FRMD5: variants seen among roughly 807,000 people sequenced by gnomAD.
FRMD5 encodes the protein FERM domain-containing protein 5.
A neutral mutation model predicts 69.0 loss-of-function variants in FRMD5; 20 were observed. That is an observed-to-expected ratio of 0.29 (90% CI 0.20 to 0.42). The LOEUF is 0.42. FRMD5 is among the 10% of genes least tolerant of loss of function. FRMD5 has a pLI of 1.00. For missense variants in FRMD5, 595 were observed against 708.6 expected, an observed-to-expected ratio of 0.84 and a Z score of 1.82; for synonymous variants, 271 against 260.1, an observed-to-expected ratio of 1.04 and a Z score of -0.40.
chr15:43,902,689 CAAA>C (rs5812254), intron 6 of FRMD5, among the ~76,000 whole-genome samples: 12 of 112,740 alleles, frequency 1.1e-4, no homozygotes, highest in East Asian at 2.8e-4. Context: ...GACCCTGTCT[CAAA>C]AAAAAAAAAA....
chr15:44,168,585 TA>T (rs760685533), intron 1 of FRMD5, among the ~76,000 whole-genome samples: 2 of 152,226 alleles, frequency 1.3e-5, no homozygotes, highest in Non-Finnish European at 2.9e-5. Flanking sequence ...AACTTTTCTT[TA>T]ACAACTCTAC....
intron 1 of FRMD5, among the ~76,000 whole-genome samples, chr15:44,164,099 C>CT (rs1272337612): frequency 6.6e-6 from 1 of 152,184 alleles, no homozygotes; most frequent in Non-Finnish European, 1.5e-5. Flanking sequence ...CTCATCTGTT[C>CT]TTTCCTGTTT....
At chr15:44,034,364 T>A (rs905863550) in intron 1 of FRMD5, among the ~76,000 whole-genome samples, 1 of 152,218 alleles carries the variant, frequency 6.6e-6, no homozygotes, top group African/African-American at 2.4e-5. Flanking sequence ...TTTGACTACC[T>A]ACTTATATGG....
At chr15:44,197,638 G>A (rs1213448227), upstream of FRMD5, among the ~76,000 whole-genome samples, 2 of 141,420 alleles carry the variant, frequency 1.4e-5, no homozygotes, top group African/African-American at 5.5e-5. Flanking sequence ...GCTGAGATTG[G>A]CCACTGCACT....
intron 1 of FRMD5, among the ~76,000 whole-genome samples, chr15:44,013,364 A>C (rs1890811810): frequency 6.6e-6 from 1 of 152,172 alleles, no homozygotes; most frequent in Admixed American, 6.6e-5. Flanking sequence ...ATATATTTCC[A>C]AAGTTCTTCA....
chr15:44,162,867 C>CAAA (rs371915126), intron 1 of FRMD5, among the ~76,000 whole-genome samples: 18 of 37,176 alleles, frequency 4.8e-4, no homozygotes, highest in African/African-American at 8.1e-4. Flanking sequence ...AACTCCGTCT[C>CAAA]AAAAAAAAAA....
At chr15:44,075,827 A>G (rs1269999907) in intron 1 of FRMD5, among the ~76,000 whole-genome samples, 1 of 152,222 alleles carries the variant, frequency 6.6e-6, no homozygotes, top group Non-Finnish European at 1.5e-5. Flanking sequence ...GAAAACACTC[A>G]GATAAATGAA....
intron 1 of FRMD5, chr15:44,194,203 G>A (rs2078243796): frequency 6.6e-6 from 1 of 152,258 alleles, no homozygotes; most frequent in Admixed American, 6.5e-5. Context: ...ACCAGGTTCT[G>A]AAAGAAATGC....
In FRMD5 at chr15:43,874,325, T is replaced by C. The variant is rs769686111; in HGVS notation, c.1273A>G (p.Ser425Gly). 1.2e-6 allele frequency: 2 copies of C among 1,614,258 alleles called. No homozygotes were observed. Among genetic ancestry groups the C allele is most frequent in the Non-Finnish European group, 1.7e-6 (2 of 1,180,046 alleles). ...GTGGGCAGCACGCTGTCTGCAGGGC[T>C]GTAGGCCTCGTCTGCAATCACAGCT... ...RVAVIADEAY[S>G]PADSVLPTPV... is the part of the protein sequence containing the mutation. Residue 425 changes from serine (S) to glycine (G), a missense_variant, in exon 14 of 14, where the codon AGC becomes GGC. Around this residue, in one of 5 missense-constraint regions of FRMD5, gnomAD observed 245 missense variants for 227.1 expected, o/e 1.08. Transcript: ENST00000417257.
intron 1 of FRMD5, among the ~76,000 whole-genome samples, chr15:44,012,761 GTTTTTTTT>G (rs35690752): frequency 8.3e-6 from 1 of 120,840 alleles, no homozygotes; most frequent in African/African-American, 3.1e-5. Context: ...AAGTTATTGG[GTTTTTTTT>G]TTTTTTTTTT....
At chr15:44,094,171 T>C (rs113690878) in intron 1 of FRMD5, among the ~76,000 whole-genome samples, 3 of 152,194 alleles carry the variant, frequency 2.0e-5, no homozygotes, top group African/African-American at 4.8e-5. Context: ...AGTGTCTTCA[T>C]GAGTTACTCA....
chr15:44,093,076 C>T (rs1211311961), intron 1 of FRMD5, among the ~76,000 whole-genome samples: 9 of 151,852 alleles, frequency 5.9e-5, no homozygotes, highest in African/African-American at 1.9e-4. Context: ...GGACTATAGG[C>T]GCGCACCACC....
rs2089012230 is a variant in FRMD5 at position 43,900,225 on chromosome 15, C to G, written c.639+1950G>C. On this transcript the variant is annotated intron_variant, in intron 7 of 13. Transcript: ENST00000417257. ...AGTAAACAGGGGATGGGAACCGGAG[C>G]CCAGGGCCAGCTTATCCAAAGCTCT... Among the ~76,000 whole-genome samples, 7 of 152,294 alleles carry G rather than the reference C, an allele frequency of 4.6e-5. No individual in the cohort carries two copies. In the South Asian group the frequency reaches 1.5e-3, roughly 32 times the overall value.
chr15:44,040,036 C>G (rs780772873), intron 1 of FRMD5, among the ~76,000 whole-genome samples: 21 of 151,748 alleles, frequency 1.4e-4, no homozygotes, highest in Non-Finnish European at 1.9e-4. Context: ...CATATACAAG[C>G]ATCAATAGCC....
chr15:44,002,446 C>G (rs1890253682), intron 1 of FRMD5, among the ~76,000 whole-genome samples: 1 of 152,132 alleles, frequency 6.6e-6, no homozygotes, highest in Admixed American at 6.5e-5. Flanking sequence ...ACCCCTCAGA[C>G]ACCGAGTTGT....
At chr15:43,990,769 G>T (rs558603449) in intron 1 of FRMD5, among the ~76,000 whole-genome samples, 1 of 152,248 alleles carries the variant, frequency 6.6e-6, no homozygotes, top group East Asian at 1.9e-4. Context: ...TAAAAAAACT[G>T]GCCATAGAAA....
At chr15:44,196,236 C>T (rs187241411), upstream of FRMD5, among the ~76,000 whole-genome samples, 1 of 152,048 alleles carries the variant, frequency 6.6e-6, no homozygotes, top group Non-Finnish European at 1.5e-5. Flanking sequence ...CCGAGGCGGG[C>T]GGATCACCTG....
chr15:44,156,667 G>C (rs1365189972), intron 1 of FRMD5, among the ~76,000 whole-genome samples: 1 of 152,258 alleles, frequency 6.6e-6, no homozygotes, highest in East Asian at 1.9e-4. Context: ...GGCTTCTGTT[G>C]CTTATGAACA....
chr15:43,944,954 TA>T (rs1180545407), intron 1 of FRMD5, among the ~76,000 whole-genome samples: 30 of 150,636 alleles, frequency 2.0e-4, no homozygotes, highest in African/African-American at 4.2e-4. Context: ...TTTATTTATT[TA>T]TTTTTTTTTT....
Sources: gnomAD v4.1 joint callset for allele counts (sites outside exome capture counted in the v4.1 genomes callset) on GRCh38, gnomAD v4.1.1 for gene constraint, gnomAD v4.1.1 regional missense constraint, MANE v1.5 for transcripts, NCBI Gene and HGNC (gene_info 2026-07-23, HGNC 2026-07-21) for gene names.